RBFOX2: variants seen among roughly 807,000 people sequenced by gnomAD.
RBFOX2 encodes RNA binding fox-1 homolog 2.
In RBFOX2, 10 loss-of-function variants were observed where a neutral mutation model predicts 49.1. The observed-to-expected ratio is 0.20, with a 90% CI of 0.13 to 0.35. The LOEUF (loss-of-function observed/expected upper bound fraction) is 0.35. RBFOX2 is among the 10% of genes least tolerant of loss of function. The pLI is 1.00. For missense variants in RBFOX2, 323 were observed against 486.9 expected, an observed-to-expected ratio of 0.66 and a Z score of 3.17; for synonymous variants, 183 against 187.4, an observed-to-expected ratio of 0.98 and a Z score of 0.19.
chr22:36,007,948 T>C (rs938499663), intron 1 of RBFOX2, among the ~76,000 whole-genome samples: 15 of 152,226 alleles, frequency 9.9e-5, no homozygotes, highest in African/African-American at 3.6e-4. Flanking sequence ...AACGAGCATT[T>C]TTGTTTCTTC....
intron 9 of RBFOX2, chr22:35,752,644 T>C (rs1403857371): frequency 1.0e-6 from 1 of 983,890 alleles, no homozygotes; most frequent in African/African-American, 1.7e-5. Flanking sequence ...GATTGGTTCC[T>C]GTAAGACTAT....
chr22:35,927,196 T>C (rs142947716), intron 1 of RBFOX2, among the ~76,000 whole-genome samples: 62 of 152,294 alleles, frequency 4.1e-4, no homozygotes, highest in South Asian at 3.1e-3. Flanking sequence ...TGAACAAGGA[T>C]CTTAATGGAT....
chr22:35,801,647 A>G (rs1423688312), intron 2 of RBFOX2, among the ~76,000 whole-genome samples: 1 of 152,110 alleles, frequency 6.6e-6, no homozygotes, highest in Non-Finnish European at 1.5e-5. Flanking sequence ...CAACATGGTG[A>G]AACCTCGTCT....
chr22:35,838,721 G>A (rs1335235397), intron 1 of RBFOX2, among the ~76,000 whole-genome samples: 1 of 152,214 alleles, frequency 6.6e-6, no homozygotes, highest in Non-Finnish European at 1.5e-5. Flanking sequence ...TTCAAAAGAG[G>A]TAATTAGACT....
At chr22:35,861,313 T>C (rs543464248) in intron 1 of RBFOX2, among the ~76,000 whole-genome samples, 1 of 152,284 alleles carries the variant, frequency 6.6e-6, no homozygotes, top group East Asian at 1.9e-4. Flanking sequence ...TTGGACTTCA[T>C]TTAAAACTTC....
intron 1 of RBFOX2, among the ~76,000 whole-genome samples, chr22:35,972,168 TC>T (rs2056914828): frequency 6.6e-6 from 1 of 152,164 alleles, no homozygotes; most frequent in Non-Finnish European, 1.5e-5. Context: ...GCAACTAAAA[TC>T]CCTTTTTAGA....
At chr22:36,018,434 T>C (rs1289166741) in intron 1 of RBFOX2, among the ~76,000 whole-genome samples, 4 of 152,176 alleles carry the variant, frequency 2.6e-5, no homozygotes, top group African/African-American at 4.8e-5. Context: ...GAGGTATTCA[T>C]TAGCTGGGTG....
Position 35,792,549 on chromosome 22 carries a change from ACAT to A in RBFOX2, c.253-10806_253-10804del, listed in dbSNP as rs555584442. On this transcript the variant is annotated intron_variant, in intron 2 of 11. Transcript: ENST00000405409. Reference sequence around the variant, plus strand: ...TAATATTCAACGAATTGAAATGGAAACATCATAGCCTACTAAGTATTTGATATT... The same window carrying A: ...TAATATTCAACGAATTGAAATGGAAACATAGCCTACTAAGTATTTGATATT... 1.1e-4 allele frequency among the ~76,000 whole-genome samples: 16 copies of A among 152,324 alleles called. No homozygotes were observed. The South Asian group carries it at 1.9e-3, about 18-fold the overall frequency.
upstream of RBFOX2, chr22:35,840,707 A>C (rs1452792210): frequency 1.3e-6 from 1 of 781,730 alleles, no homozygotes; most frequent in African/African-American, 1.9e-5. Context: ...GCATATTTTA[A>C]GGATGCGATG....
chr22:35,763,682 A>G (rs1939782966), intron 6 of RBFOX2, among the ~76,000 whole-genome samples: 1 of 152,216 alleles, frequency 6.6e-6, no homozygotes, highest in Admixed American at 6.5e-5. Context: ...CCTTCACAAA[A>G]CCCAAAGAGG....
intron 6 of RBFOX2, among the ~76,000 whole-genome samples, chr22:35,761,723 T>A: frequency 6.6e-6 from 1 of 151,774 alleles, no homozygotes; most frequent in East Asian, 1.9e-4. Flanking sequence ...GGAGAGGGAA[T>A]GAGAGGAGAA....
chr22:35,942,176 T>C (rs2053761065), upstream of RBFOX2, among the ~76,000 whole-genome samples: 1 of 152,202 alleles, frequency 6.6e-6, no homozygotes, highest in East Asian at 1.9e-4. Context: ...ACTTAATGGT[T>C]TTTGTGCTCA....
At chr22:35,974,289 A>T (rs2057031877) in intron 1 of RBFOX2, among the ~76,000 whole-genome samples, 1 of 152,202 alleles carries the variant, frequency 6.6e-6, no homozygotes, top group South Asian at 2.1e-4. Flanking sequence ...AGGAGTTTTT[A>T]GATTTTCTGA....
intron 9 of RBFOX2, chr22:35,747,302 G>A (rs1333600140): frequency 2.6e-5 from 4 of 152,162 alleles, no homozygotes; most frequent in African/African-American, 9.7e-5. Flanking sequence ...AAATTTCTGA[G>A]GATTCTTTGG....
At chr22:35,888,986 A>T (rs2046930443) in intron 1 of RBFOX2, among the ~76,000 whole-genome samples, 1 of 151,998 alleles carries the variant, frequency 6.6e-6, no homozygotes, top group Non-Finnish European at 1.5e-5. Context: ...GAAACTCCAT[A>T]TCTATTAAAA....
At chr22:35,825,704 G>A (rs1377806353) in intron 1 of RBFOX2, among the ~76,000 whole-genome samples, 1 of 152,148 alleles carries the variant, frequency 6.6e-6, no homozygotes, top group African/African-American at 2.4e-5. Context: ...AGATAGGCCG[G>A]GTGCAGTGGC....
intron 1 of RBFOX2, among the ~76,000 whole-genome samples, chr22:35,960,529 G>A (rs1464287368): frequency 6.6e-6 from 1 of 152,054 alleles, no homozygotes; most frequent in South Asian, 2.1e-4. Flanking sequence ...AGAAGATGTC[G>A]CCCTGGGAAG....
chr22:35,850,876 T>C (rs924238009), intron 1 of RBFOX2, among the ~76,000 whole-genome samples: 12 of 152,254 alleles, frequency 7.9e-5, no homozygotes, highest in African/African-American at 2.4e-4. Context: ...GTTGTAACTA[T>C]TGATCCTACG....
intron 1 of RBFOX2, among the ~76,000 whole-genome samples, chr22:35,937,806 G>T (rs550774987): frequency 6.6e-6 from 1 of 152,086 alleles, no homozygotes; most frequent in Non-Finnish European, 1.5e-5. Context: ...GGCCAGGCTG[G>T]TCTCAAACTC....
Sources: gnomAD v4.1 joint callset for allele counts (sites outside exome capture counted in the v4.1 genomes callset) on GRCh38, gnomAD v4.1.1 for gene constraint, MANE v1.5 for transcripts, NCBI Gene and HGNC (gene_info 2026-07-23, HGNC 2026-07-21) for gene names.